Variants in DNAJC6 observed in about 807,000 individuals in gnomAD.
DNAJC6 encodes auxilin.
DNAJC6 carries 34 observed loss-of-function variants against 110.0 expected under a neutral mutation model. That is an observed-to-expected ratio of 0.31 (90% CI 0.24 to 0.41). The LOEUF (loss-of-function observed/expected upper bound fraction) is 0.41. Ranked by LOEUF, DNAJC6 falls within the 10% of genes least tolerant of loss-of-function variation. The pLI is 1.00. For synonymous variants in DNAJC6, 406 were observed against 437.2 expected (o/e 0.93, Z 0.89); for missense variants, 1,031 against 1,207.8 (o/e 0.85, Z 2.17).
At chr1:65,270,887 C>T (rs1413668912) in intron 1 of DNAJC6, among the ~76,000 whole-genome samples, 1 of 152,112 alleles carries the variant, frequency 6.6e-6, no homozygotes, top group African/African-American at 2.4e-5. Context: ...CCATGTTGGC[C>T]AGGCTGGTCA....
chr1:65,297,753 G>T (rs1168776109), intron 1 of DNAJC6, among the ~76,000 whole-genome samples: 7 of 152,176 alleles, frequency 4.6e-5, no homozygotes, highest in African/African-American at 1.4e-4. Context: ...GTAGGTTTAG[G>T]AGTCCTGTAG....
chr1:65,354,678 C>T (rs9436272), intron 1 of DNAJC6, among the ~76,000 whole-genome samples: 93 of 152,188 alleles, frequency 6.1e-4, no homozygotes, highest in African/African-American at 2.2e-3. Context: ...CATGTGTGCA[C>T]GTACAGATTT....
At chr1:65,344,785 T>A (rs904448635) in intron 1 of DNAJC6, among the ~76,000 whole-genome samples, 5 of 152,068 alleles carry the variant, frequency 3.3e-5, no homozygotes, top group African/African-American at 1.2e-4. Flanking sequence ...GCAGAACAGC[T>A]AGTTAACATG....
intron 1 of DNAJC6, among the ~76,000 whole-genome samples, chr1:65,293,745 G>C (rs560920036): frequency 7.9e-5 from 12 of 152,200 alleles, no homozygotes; most frequent in East Asian, 3.9e-4. Flanking sequence ...GCTAATTATT[G>C]TTAATATGTT....
intron 8 of DNAJC6, among the ~76,000 whole-genome samples, chr1:65,388,006 A>G (rs920468814): frequency 2.6e-5 from 4 of 152,164 alleles, no homozygotes; most frequent in African/African-American, 9.6e-5. Context: ...AGAGAATATG[A>G]ACTTTTAAGA....
intron 1 of DNAJC6, among the ~76,000 whole-genome samples, chr1:65,276,012 G>C (rs141648969): frequency 6.6e-6 from 1 of 151,554 alleles, no homozygotes; most frequent in Admixed American, 6.6e-5. Context: ...CTCCTGAGTA[G>C]CTGGGATTAC....
intron 1 of DNAJC6, among the ~76,000 whole-genome samples, chr1:65,361,861 A>G (rs562624592): frequency 5.3e-5 from 8 of 152,336 alleles, no homozygotes; most frequent in Admixed American, 5.2e-4. Flanking sequence ...GCTTATTATA[A>G]CAAATAGCCT....
At chr1:65,412,839 G>A in intron 18 of DNAJC6, 85 bp from the exon 19 acceptor site, 2 of 1,102,834 alleles carry the variant, frequency 1.8e-6, no homozygotes, top group Non-Finnish European at 2.7e-6. Context: ...CCATTGCTTA[G>A]AGCCCATATA....
rs775270496 is a variant in DNAJC6, at chr1:65,266,074, T to G, written c.-131+1142T>G. 4.5e-4 allele frequency among the ~76,000 whole-genome samples: 68 copies of G among 152,312 alleles called. No homozygotes were observed. The Middle Eastern group carries it at 0.014, about 30-fold the overall frequency. Reference sequence around the variant, plus strand: ...CTGGCACGCAGCCCGTTGGGCAGGTTTCGCGCAGCGACCCTCCCCACGCCG... The same window carrying G: ...CTGGCACGCAGCCCGTTGGGCAGGTGTCGCGCAGCGACCCTCCCCACGCCG... On this transcript the variant is annotated intron_variant, in intron 1 of 19. Coordinates refer to the DNAJC6 transcript ENST00000263441.
intron 13 of DNAJC6, among the ~76,000 whole-genome samples, 165 bp from the exon 14 acceptor site, chr1:65,398,648 G>T (rs1225556872): frequency 6.6e-6 from 1 of 152,192 alleles, no homozygotes; most frequent in Non-Finnish European, 1.5e-5. Flanking sequence ...AGAACATATT[G>T]AATGTTGCAG....
Position 65,395,510 on chromosome 1 carries a change from G to A in DNAJC6, c.2038+478G>A, listed in dbSNP as rs574475244. 9.9e-5 allele frequency among the ~76,000 whole-genome samples: 15 copies of A among 152,216 alleles called. No individual in the cohort carries two copies. In the South Asian group the frequency reaches 1.9e-3, roughly 19 times the overall value. ...TTGGGATATGATAGCCACTAGTTAC[G>A]TGTGGCTGTTGATGACTCTACATGT... On this transcript the variant is annotated intron_variant, in intron 13 of 18. Coordinates refer to ENST00000371069, the MANE Select transcript of DNAJC6 (RefSeq NM_001256864.2).
At chr1:65,359,440 T>G (rs137929480) in intron 1 of DNAJC6, among the ~76,000 whole-genome samples, 257 of 152,330 alleles carry the variant, frequency 1.7e-3, no homozygotes, top group African/African-American at 6.1e-3. Flanking sequence ...TTGGTGGGCT[T>G]AGATTTTCAC....
intron 4 of DNAJC6, among the ~76,000 whole-genome samples, chr1:65,368,552 C>T (rs1205806651): frequency 6.7e-6 from 1 of 148,326 alleles, no homozygotes; most frequent in African/African-American, 2.5e-5. Flanking sequence ...CTTCCCTTCT[C>T]CTTCCTTCCT....
intron 6 of DNAJC6, 143 bp downstream of exon 6, chr1:65,384,469 T>A: frequency 1.3e-6 from 1 of 789,274 alleles, no homozygotes; most frequent in Non-Finnish European, 1.7e-6. Flanking sequence ...TATGAAGAAC[T>A]ACTTGAGACT....
intron 13 of DNAJC6, among the ~76,000 whole-genome samples, chr1:65,398,287 G>A (rs1645998190): frequency 6.6e-6 from 1 of 152,166 alleles, no homozygotes; most frequent in African/African-American, 2.4e-5. Flanking sequence ...TGTTCTGCAT[G>A]ACTCATTATT....
chr1:65,293,899 A>G lies in DNAJC6; in HGVS notation c.-131+28967A>G, dbSNP rs1358018652. Among the ~76,000 whole-genome samples the G allele has an allele frequency of 2.6e-5, 4 of 152,154 alleles. No individual in the cohort carries two copies. The East Asian group carries it at 7.7e-4, about 29-fold the overall frequency. On this transcript the variant is annotated intron_variant, in intron 1 of 19. Coordinates refer to the DNAJC6 transcript ENST00000263441. ...ATTAGTGTATTTTCCCAGGTATTAA[A>G]TTTTCCTTGAAAACATGTTTACCCT...
chr1:65,299,378 C>T lies in DNAJC6; in HGVS notation c.-131+34446C>T, dbSNP rs980831730. Among the ~76,000 whole-genome samples the T allele has an allele frequency of 7.9e-5, 12 of 152,114 alleles. No individual in the cohort carries two copies. In the South Asian group the frequency reaches 8.3e-4, roughly 10 times the overall value. On this transcript the variant is annotated intron_variant, in intron 1 of 19. Coordinates refer to the DNAJC6 transcript ENST00000263441. ...AGTAGATCAAAGAAAGAGAATTACA[C>T]GCAAAGGAAGGGATAGCTGTACTAG...
intron 12 of DNAJC6, 47 bp from the exon 13 acceptor site, chr1:65,394,851 G>C (rs1372281949): frequency 2.0e-6 from 3 of 1,528,002 alleles, no homozygotes; most frequent in Non-Finnish European, 2.6e-6. Context: ...GACATTTAGT[G>C]AATGAACTCA....
intron 1 of DNAJC6, among the ~76,000 whole-genome samples, chr1:65,299,825 G>A (rs1331741730): frequency 3.3e-5 from 5 of 151,946 alleles, no homozygotes; most frequent in Admixed American, 6.6e-5. Context: ...CGAGGTAGGC[G>A]GATCACCTGA....
Sources: gnomAD v4.1 joint callset for allele counts (sites outside exome capture counted in the v4.1 genomes callset) on GRCh38, gnomAD v4.1.1 for gene constraint, MANE v1.5 for transcripts, NCBI Gene and HGNC (gene_info 2026-07-23, HGNC 2026-07-21) for gene names.